ARHGAP40: variants seen among roughly 807,000 people sequenced by gnomAD.
ARHGAP40 encodes the protein Rho GTPase activating protein 40, also known as rho GTPase-activating protein 40.
In ARHGAP40, 43 loss-of-function variants were observed where a neutral mutation model predicts 73.5. The observed-to-expected ratio is 0.58, with a 90% CI of 0.46 to 0.75. The LOEUF is 0.75. Among genes scored for constraint, ARHGAP40 ranks in the 30% least tolerant of loss-of-function variants. The pLI, the probability that ARHGAP40 is intolerant of heterozygous loss-of-function variation, is 0.00. For synonymous variants in ARHGAP40, 300 were observed against 352.8 expected (o/e 0.85, Z 1.68); for missense variants, 734 against 861.8 (o/e 0.85, Z 1.86).
At chr20:38,625,331 C>T (rs1031069565) in intron 2 of ARHGAP40, among the ~76,000 whole-genome samples, 2 of 151,892 alleles carry the variant, frequency 1.3e-5, no homozygotes, top group African/African-American at 2.4e-5. Context: ...CAAATAAACA[C>T]AGGAGCTTTT....
At chr20:38,608,790 G>A (rs1247776247) in intron 1 of ARHGAP40, among the ~76,000 whole-genome samples, 2 of 152,114 alleles carry the variant, frequency 1.3e-5, no homozygotes, top group African/African-American at 2.4e-5. Context: ...AGTCCAAAAT[G>A]GGTCTTACTG....
intron 2 of ARHGAP40, among the ~76,000 whole-genome samples, chr20:38,625,031 C>T (rs2088891781): frequency 2.6e-5 from 4 of 152,276 alleles, no homozygotes; most frequent in Admixed American, 2.6e-4. Context: ...AAGGGCTCCA[C>T]ATGGAACCCT....
In ARHGAP40 at chr20:38,646,878, G is replaced by A; in HGVS notation, c.1711-79G>A. Reference sequence around the variant, plus strand: ...GGGCATTTGCGTAAGTGCCATGTATGCGTGTTTATGCATCCACGTTGGAAC... The same window carrying A: ...GGGCATTTGCGTAAGTGCCATGTATACGTGTTTATGCATCCACGTTGGAAC... On this transcript the variant is annotated intron_variant, in intron 12 of 14. Coordinates refer to ENST00000373345, the Ensembl canonical transcript of ARHGAP40. This position sits in a 1 kb window ranked among gnomAD's most constrained non-coding sequence, Gnocchi z 4.5. 1 of 1,215,226 alleles carries A rather than the reference G, an allele frequency of 8.2e-7. No individual in the cohort carries two copies. Among genetic ancestry groups the A allele is most frequent in the Non-Finnish European group, 1.1e-6 (1 of 929,384 alleles). 75.3% of individuals were successfully genotyped at this position (1,215,226 alleles called of 1,614,324 possible). A position where few individuals can be genotyped will look rare whatever the true frequency, so the allele number is the denominator to read the frequency against.
chr20:38,637,661 A>C, intron 6 of ARHGAP40, 47 bp from the exon 7 acceptor site: 1 of 1,280,072 alleles, frequency 7.8e-7, no homozygotes, highest in Admixed American at 2.3e-5. Context: ...GAGCCCAGTG[A>C]TCATTCCAAG....
chr20:38,627,615 G>A (rs2088909553), intron 3 of ARHGAP40, among the ~76,000 whole-genome samples: 1 of 135,352 alleles, frequency 7.4e-6, no homozygotes, highest in African/African-American at 3.2e-5. Context: ...GTGTGTGTGT[G>A]TTGGTGTGTG....
chr20:38,611,536 G>A (rs1601133704), intron 1 of ARHGAP40, among the ~76,000 whole-genome samples: 2 of 148,166 alleles, frequency 1.3e-5, no homozygotes, highest in Non-Finnish European at 3.0e-5. Context: ...TCCTGCCCAC[G>A]CCTCCTGAAC....
chr20:38,644,426 T>A (rs1430091747), intron 11 of ARHGAP40, among the ~76,000 whole-genome samples: 1 of 152,074 alleles, frequency 6.6e-6, no homozygotes, highest in East Asian at 1.9e-4. Context: ...CTCCAGCTCT[T>A]GAGACTCCTG....
At chr20:38,641,854 A>G (rs2089020472) in intron 10 of ARHGAP40, 46 bp downstream of exon 10, 2 of 1,215,652 alleles carry the variant, frequency 1.6e-6, no homozygotes, top group Non-Finnish European at 1.1e-6. Flanking sequence ...CTCAGCCCAC[A>G]GCCACAGCCA....
intron 1 of ARHGAP40, chr20:38,615,009 T>C: frequency 8.5e-7 from 1 of 1,173,410 alleles, no homozygotes. Flanking sequence ...CCCGCTGGGG[T>C]TGATCTCCAT....
chr20:38,607,186 C>T (rs1156682250), intron 1 of ARHGAP40, among the ~76,000 whole-genome samples: 7 of 152,156 alleles, frequency 4.6e-5, no homozygotes, highest in East Asian at 1.9e-4. Flanking sequence ...CAAGTACATT[C>T]GGGACTCCTG....
rs147960596 is a variant in ARHGAP40 at position 38,626,940 on chromosome 20, G to A, written c.338-55G>A. Reference sequence around the variant, plus strand: ...TTCTATGCAGAACTTTGGTTAGCACGAGTGGCTGAGTGCAGAGCTGTGTGT... The same window carrying A: ...TTCTATGCAGAACTTTGGTTAGCACAAGTGGCTGAGTGCAGAGCTGTGTGT... On this transcript the variant is annotated intron_variant, in intron 2 of 14. Transcript: ENST00000373345. 1,909 of 1,266,852 alleles carry A rather than the reference G, an allele frequency of 1.5e-3. 27 individuals carry two copies. In the African/African-American group the frequency reaches 0.025, roughly 17 times the overall value. The allele number at this position is 1,266,852 out of a possible 1,614,324, so 78.5% of individuals were successfully genotyped here.
chr20:38,650,599 T>C (rs2089084037), exon 15 of ARHGAP40: 1 of 470,506 alleles, frequency 2.1e-6, no homozygotes, highest in Non-Finnish European at 4.4e-6. Context: ...TGTAATATGA[T>C]ATAATATGTA....
At chr20:38,614,263 T>C (rs1195740921) in intron 1 of ARHGAP40, among the ~76,000 whole-genome samples, 3 of 152,206 alleles carry the variant, frequency 2.0e-5, no homozygotes, top group Non-Finnish European at 4.4e-5. Context: ...TAGGCACACA[T>C]GGCTATGTAC....
intron 11 of ARHGAP40, among the ~76,000 whole-genome samples, chr20:38,645,607 C>A (rs76138960): frequency 0.014 from 2,112 of 152,232 alleles, 52 homozygotes; most frequent in African/African-American, 0.048. Context: ...TCTGACTCTG[C>A]TGGGTTCGGA....
chr20:38,627,308 C>G, intron 3 of ARHGAP40, 93 bp downstream of exon 3: 1 of 1,149,530 alleles, frequency 8.7e-7, no homozygotes, highest in Non-Finnish European at 1.2e-6. Flanking sequence ...TGCTGAAGGG[C>G]TGTGTTGGTG....
chr20:38,637,608 A>T (rs1461963155), intron 6 of ARHGAP40, 100 bp from the exon 7 acceptor site: 2 of 945,436 alleles, frequency 2.1e-6, no homozygotes, highest in Non-Finnish European at 3.0e-6. Flanking sequence ...CTTCCACAGG[A>T]AAAGGGGTCT....
chr20:38,635,582 G>A (rs930139475), intron 6 of ARHGAP40, among the ~76,000 whole-genome samples: 1 of 152,144 alleles, frequency 6.6e-6, no homozygotes, highest in Admixed American at 6.5e-5. Context: ...AGGATCACTT[G>A]AGCCCGGGAG....
intron 3 of ARHGAP40, 95 bp from the exon 4 acceptor site, chr20:38,628,832 G>T: frequency 5.5e-6 from 5 of 902,554 alleles, no homozygotes; most frequent in Non-Finnish European, 6.1e-6. Flanking sequence ...CTCCATCTGT[G>T]AAAAGGGGTT....
chr20:38,631,426 A>G (rs1012409702), intron 5 of ARHGAP40, among the ~76,000 whole-genome samples: 24 of 152,108 alleles, frequency 1.6e-4, no homozygotes, highest in African/African-American at 5.6e-4. Flanking sequence ...CCTCACAATC[A>G]TGGTGGAAGG....
Sources: gnomAD v4.1 joint callset for allele counts (sites outside exome capture counted in the v4.1 genomes callset) on GRCh38, gnomAD v4.1.1 for gene constraint, Gnocchi (gnomAD v3.1) non-coding constraint, MANE v1.5 for transcripts, NCBI Gene and HGNC (gene_info 2026-07-23, HGNC 2026-07-21) for gene names.